SEMA3A: variants seen among roughly 807,000 people sequenced by gnomAD.
The protein encoded by SEMA3A is semaphorin-3A.
In SEMA3A, 29 loss-of-function variants were observed where a neutral mutation model predicts 97.9. The ratio of observed to expected loss-of-function variants is 0.30; its 90% confidence interval spans 0.22 to 0.40. The LOEUF (loss-of-function observed/expected upper bound fraction) is 0.40, where lower values mean the gene tolerates loss of function less well. Ranked by LOEUF, SEMA3A falls within the 10% of genes least tolerant of loss-of-function variation. The pLI, the probability that SEMA3A is intolerant of heterozygous loss-of-function variation, is 1.00. For missense variants in SEMA3A, 763 were observed against 951.3 expected (o/e 0.80, Z 2.60); for synonymous variants, 321 against 323.7 (o/e 0.99, Z 0.09).
chr7:83,985,706 G>A (rs1254893197), intron 12 of SEMA3A, among the ~76,000 whole-genome samples: 1 of 152,176 alleles, frequency 6.6e-6, no homozygotes, highest in Non-Finnish European at 1.5e-5. Flanking sequence ...ACCTGTAGTT[G>A]ACCAAGTTGG....
At chr7:84,185,692 G>GAAAAAAAAAAAAAAAAAAAAAAGAAAA (rs71078810) in intron 1 of SEMA3A, among the ~76,000 whole-genome samples, 1 of 78,132 alleles carries the variant, frequency 1.3e-5, no homozygotes, top group Non-Finnish European at 2.3e-5. Context: ...ACTCTGGCAG[G>GAAAAAAAAAAAAAAAAAAAAAAGAAAA]AAAAAAAAAA....
intron 2 of SEMA3A, among the ~76,000 whole-genome samples, chr7:84,337,616 T>C (rs749529962): frequency 1.2e-4 from 19 of 152,060 alleles, no homozygotes; most frequent in Non-Finnish European, 2.4e-4. Flanking sequence ...CAATTTAACA[T>C]AAAAAGGCTT....
intron 2 of SEMA3A, among the ~76,000 whole-genome samples, chr7:84,340,138 A>T (rs1056240944): frequency 6.6e-6 from 1 of 152,182 alleles, no homozygotes; most frequent in East Asian, 1.9e-4. Context: ...AAAAAGAAAT[A>T]GTTAATATAC....
intron 3 of SEMA3A, among the ~76,000 whole-genome samples, chr7:84,119,031 G>T (rs979493795): frequency 1.3e-5 from 2 of 152,080 alleles, no homozygotes; most frequent in Non-Finnish European, 2.9e-5. Flanking sequence ...CATGCTTGTT[G>T]TAAGAACTAA....
At chr7:84,466,778 A>G (rs1380647845) in intron 1 of SEMA3A, among the ~76,000 whole-genome samples, 1 of 152,156 alleles carries the variant, frequency 6.6e-6, no homozygotes, top group Non-Finnish European at 1.5e-5. Context: ...TGACTTTGTG[A>G]GTGAGTCCCT....
intron 1 of SEMA3A, among the ~76,000 whole-genome samples, chr7:84,171,676 T>C (rs1253423263): frequency 6.6e-6 from 1 of 152,152 alleles, no homozygotes; most frequent in Non-Finnish European, 1.5e-5. Flanking sequence ...CATGTAAGAT[T>C]TGTAAAACCT....
At chr7:84,042,011 A>G (rs765121594) in intron 6 of SEMA3A, among the ~76,000 whole-genome samples, 2 of 152,152 alleles carry the variant, frequency 1.3e-5, no homozygotes, top group African/African-American at 2.4e-5. Context: ...CAAGTGTACA[A>G]GTGATTTGAG....
intron 1 of SEMA3A, among the ~76,000 whole-genome samples, chr7:84,425,466 T>C (rs186054062): frequency 2.9e-5 from 4 of 139,828 alleles, no homozygotes; most frequent in Non-Finnish European, 3.0e-5. Flanking sequence ...TATAAATATA[T>C]ACATATATTT....
At chr7:84,050,293 C>A (rs1277175501) in intron 5 of SEMA3A, among the ~76,000 whole-genome samples, 3 of 152,186 alleles carry the variant, frequency 2.0e-5, no homozygotes, top group African/African-American at 4.8e-5. Flanking sequence ...CACTGACTTC[C>A]ACAATGGTTG....
chr7:83,965,570 G>T (rs918476356), intron 15 of SEMA3A, among the ~76,000 whole-genome samples: 2 of 125,358 alleles, frequency 1.6e-5, no homozygotes, highest in African/African-American at 5.9e-5. Context: ...GAGGAGTCAC[G>T]TAACTAGTAT....
intron 5 of SEMA3A, among the ~76,000 whole-genome samples, chr7:84,053,658 C>T (rs1792794275): frequency 6.7e-6 from 1 of 149,902 alleles, no homozygotes; most frequent in South Asian, 2.1e-4. Context: ...GGTCTTAACT[C>T]TTTATCCAAT....
intron 15 of SEMA3A, among the ~76,000 whole-genome samples, chr7:83,976,294 A>T (rs545477827): frequency 1.3e-5 from 2 of 152,114 alleles, no homozygotes; most frequent in Non-Finnish European, 2.9e-5. Context: ...ATAAATATTA[A>T]CTACTTTTAG....
intron 1 of SEMA3A, among the ~76,000 whole-genome samples, chr7:84,173,982 AG>A (rs1797482184): frequency 6.6e-6 from 1 of 152,184 alleles, no homozygotes; most frequent in African/African-American, 2.4e-5. Context: ...CGGTGATGCT[AG>A]CGCTGGGGAG....
rs1354591833 is a variant in SEMA3A, at chr7:84,339,669, G to A, written c.-169+32155C>T. ...TGGTTATTTTGATTGGGGCATTTGG[G>A]TTCCACTTATACAATTAACTATAAG... is the stretch of plus-strand genomic sequence containing the variant. On this transcript the variant is annotated intron_variant, in intron 2 of 3. Coordinates refer to the SEMA3A transcript ENST00000424555. 6.6e-5 allele frequency among the ~76,000 whole-genome samples: 10 copies of A among 152,116 alleles called. No homozygotes were observed. The East Asian group carries it at 1.9e-3, about 29-fold the overall frequency.
At chr7:84,425,857 C>T (rs7794159) in intron 1 of SEMA3A, among the ~76,000 whole-genome samples, 16,559 of 105,206 alleles carry the variant, frequency 0.16, 1,154 homozygotes, top group East Asian at 0.36. Flanking sequence ...TTATATAACA[C>T]ACACACACAC....
At chr7:84,303,599 G>C (rs1439577939) in intron 3 of SEMA3A, among the ~76,000 whole-genome samples, 1 of 151,584 alleles carries the variant, frequency 6.6e-6, no homozygotes, top group African/African-American at 2.4e-5. Context: ...TCCCCGACCT[G>C]GCACTGGTTC....
At chr7:84,433,860 T>C (rs967884896) in intron 1 of SEMA3A, among the ~76,000 whole-genome samples, 1 of 152,342 alleles carries the variant, frequency 6.6e-6, no homozygotes, top group Middle Eastern at 3.4e-3. Flanking sequence ...GTTTGTTGGC[T>C]GCATAAATGT....
rs186346573 is a variant in SEMA3A, at chr7:84,266,344, T to C, written c.-83+40863A>G. Among the ~76,000 whole-genome samples the C allele has an allele frequency of 8.7e-3, 1,154 of 132,804 alleles. 20 individuals are homozygous for C. Among genetic ancestry groups the C allele is most frequent in the African/African-American group, 0.031 (1,093 of 35,518 alleles). The allele number at this position is 132,804 out of a possible 152,430, so 87.1% of individuals were successfully genotyped here. On this transcript the variant is annotated intron_variant, in intron 3 of 3. Coordinates refer to the SEMA3A transcript ENST00000424555. Reference sequence around the variant, plus strand: ...AAAAAAAAAAAAAAAAAAAGAAAAATGTTTCTAATTGTATCACAGTAGCAG... The same window carrying C: ...AAAAAAAAAAAAAAAAAAAGAAAAACGTTTCTAATTGTATCACAGTAGCAG...
At chr7:84,250,048 T>C (rs914972169) in intron 3 of SEMA3A, among the ~76,000 whole-genome samples, 2 of 151,874 alleles carry the variant, frequency 1.3e-5, no homozygotes, top group Non-Finnish European at 2.9e-5. Context: ...TCCAAAATTA[T>C]AGACTTCTGA....
Sources: allele counts gnomAD v4.1 joint callset (sites outside exome capture counted in the v4.1 genomes callset), GRCh38; gene constraint gnomAD v4.1.1; transcripts MANE v1.5; gene names NCBI Gene and HGNC (gene_info 2026-07-23, HGNC 2026-07-21).